The following KCNB2 variants were observed in gnomAD, a reference collection of about 807,000 sequenced individuals.
KCNB2 encodes the protein delayed rectifier potassium channel protein.
Under a neutral mutation model 61.5 loss-of-function variants are expected in KCNB2, and 15 were observed. That is an observed-to-expected ratio of 0.24 (90% CI 0.16 to 0.38). KCNB2 has a LOEUF of 0.38. Ranked by LOEUF, KCNB2 falls within the 10% of genes least tolerant of loss-of-function variation. The probability of loss-of-function intolerance (pLI) is 1.00; values close to 1 mark genes in which losing one functional copy is unlikely to be tolerated. For synonymous variants in KCNB2, 457 were observed against 446.0 expected (o/e 1.02, Z -0.31); for missense variants, 828 against 1,125.2 (o/e 0.74, Z 3.78).
intron 2 of KCNB2, among the ~76,000 whole-genome samples, chr8:72,667,643 A>G (rs1806498995): frequency 1.3e-5 from 2 of 152,114 alleles, no homozygotes; most frequent in African/African-American, 4.8e-5. Flanking sequence ...CAGATCTGCC[A>G]TGTCTCTTTA....
At chr8:72,680,222 G>C (rs2128988986) in intron 2 of KCNB2, among the ~76,000 whole-genome samples, 1 of 152,182 alleles carries the variant, frequency 6.6e-6, no homozygotes, top group East Asian at 1.9e-4. Flanking sequence ...TAAAGGAAGA[G>C]CTTACAAGGA....
intron 2 of KCNB2, among the ~76,000 whole-genome samples, chr8:72,919,252 C>T (rs751414453): frequency 2.6e-5 from 4 of 152,174 alleles, no homozygotes; most frequent in African/African-American, 7.2e-5. Context: ...CCACCTGGTT[C>T]GTGGCCGAAG....
intron 2 of KCNB2, among the ~76,000 whole-genome samples, chr8:72,682,287 G>A (rs1806772598): frequency 6.6e-6 from 1 of 152,016 alleles, no homozygotes; most frequent in South Asian, 2.1e-4. Flanking sequence ...TGACTTACTG[G>A]GTGGCTATAG....
intron 2 of KCNB2, among the ~76,000 whole-genome samples, chr8:72,696,415 C>A (rs1306936249): frequency 6.6e-6 from 1 of 152,160 alleles, no homozygotes; most frequent in Non-Finnish European, 1.5e-5. Flanking sequence ...ATAAAGACAA[C>A]AGACCTTTCT....
chr8:72,698,523 A>C (rs368338339), intron 2 of KCNB2, among the ~76,000 whole-genome samples: 2 of 152,214 alleles, frequency 1.3e-5, no homozygotes, highest in African/African-American at 2.4e-5. Context: ...TCTAAATTTC[A>C]TATGGAACTG....
chr8:72,736,480 C>G (rs1807848185), intron 2 of KCNB2, among the ~76,000 whole-genome samples: 1 of 152,074 alleles, frequency 6.6e-6, no homozygotes, highest in Non-Finnish European at 1.5e-5. Flanking sequence ...ATGATTAACT[C>G]GTCTTAAGAA....
intron 2 of KCNB2, among the ~76,000 whole-genome samples, chr8:72,581,383 A>C (rs940210906): frequency 6.6e-6 from 1 of 152,168 alleles, no homozygotes; most frequent in Admixed American, 6.5e-5. Context: ...GCTGTGTTCA[A>C]CTGCTCAGCT....
intron 2 of KCNB2, among the ~76,000 whole-genome samples, chr8:72,929,157 G>T (rs1452480746): frequency 1.3e-5 from 2 of 152,158 alleles, no homozygotes; most frequent in African/African-American, 2.4e-5. Flanking sequence ...CCGGGCTTGT[G>T]CATGCAGCAA....
At chr8:72,798,612 G>A (rs1809070250) in intron 2 of KCNB2, among the ~76,000 whole-genome samples, 1 of 152,052 alleles carries the variant, frequency 6.6e-6, no homozygotes, top group African/African-American at 2.4e-5. Context: ...GATAAAGAGT[G>A]GTGTCTTTTT....
intron 2 of KCNB2, among the ~76,000 whole-genome samples, chr8:72,869,936 C>T (rs903965603): frequency 1.4e-4 from 22 of 152,130 alleles, no homozygotes; most frequent in African/African-American, 4.8e-4. Flanking sequence ...GCATGGAAAC[C>T]ACCTAAATGT....
intron 1 of KCNB2, among the ~76,000 whole-genome samples, chr8:72,559,972 TC>T (rs1025558937): frequency 1.3e-5 from 2 of 152,142 alleles, no homozygotes; most frequent in Non-Finnish European, 2.9e-5. Context: ...ATATCTAAAC[TC>T]CCTTCTGCCA....
chr8:72,666,616 T>C (rs1417881925), intron 2 of KCNB2, among the ~76,000 whole-genome samples: 1 of 151,922 alleles, frequency 6.6e-6, no homozygotes, highest in Non-Finnish European at 1.5e-5. Context: ...GACAATTTTC[T>C]ATTTTCTTCA....
chr8:72,915,173 C>A (rs529764336), intron 2 of KCNB2, among the ~76,000 whole-genome samples: 2 of 152,218 alleles, frequency 1.3e-5, no homozygotes, highest in South Asian at 4.1e-4. Flanking sequence ...ACTCCATGAT[C>A]GGCCTCCCAA....
chr8:72,638,406 A>G (rs1806001415), intron 2 of KCNB2, among the ~76,000 whole-genome samples: 1 of 152,102 alleles, frequency 6.6e-6, no homozygotes, highest in African/African-American at 2.4e-5. Flanking sequence ...CACCTAGCAC[A>G]CTGACCACCG....
chr8:72,546,814 T>C (rs1806266493), intron 1 of KCNB2, among the ~76,000 whole-genome samples: 1 of 152,062 alleles, frequency 6.6e-6, no homozygotes. Context: ...TTATTGAAAA[T>C]TTCTTTAATT....
At chr8:72,649,893 T>G (rs1806187892) in intron 2 of KCNB2, among the ~76,000 whole-genome samples, 1 of 152,134 alleles carries the variant, frequency 6.6e-6, no homozygotes, top group Non-Finnish European at 1.5e-5. Context: ...AAAGGATGAC[T>G]TTTGCATCTC....
At chr8:72,633,367 C>T (rs374919234) in intron 2 of KCNB2, among the ~76,000 whole-genome samples, 2 of 152,150 alleles carry the variant, frequency 1.3e-5, no homozygotes, top group African/African-American at 4.8e-5. Flanking sequence ...CTTTTAAGGG[C>T]TCATGTGATT....
intron 2 of KCNB2, among the ~76,000 whole-genome samples, chr8:72,895,366 A>G (rs988907109): frequency 2.6e-5 from 4 of 152,208 alleles, no homozygotes; most frequent in African/African-American, 9.7e-5. Flanking sequence ...AAAGGCATAG[A>G]GCAATGCAGT....
intron 2 of KCNB2, among the ~76,000 whole-genome samples, chr8:72,664,137 C>T (rs1249539276): frequency 6.6e-6 from 1 of 152,130 alleles, no homozygotes; most frequent in East Asian, 1.9e-4. Flanking sequence ...TGTAAGATCC[C>T]AGGAGATCAG....
Sources: gnomAD v4.1 joint callset for allele counts (sites outside exome capture counted in the v4.1 genomes callset) on GRCh38, gnomAD v4.1.1 for gene constraint, MANE v1.5 for transcripts, NCBI Gene and HGNC (gene_info 2026-07-23, HGNC 2026-07-21) for gene names.